Variants in CATSPERB observed in about 807,000 individuals in gnomAD.
CATSPERB encodes catsper channel auxiliary subunit beta, also known as cation channel sperm-associated auxiliary subunit beta.
In CATSPERB, 93 loss-of-function variants were observed where a neutral mutation model predicts 128.3. The observed-to-expected ratio is 0.72, with a 90% CI of 0.61 to 0.86. CATSPERB has a LOEUF of 0.86. Among genes scored for constraint, CATSPERB ranks in the 40% least tolerant of loss-of-function variants. The probability of loss-of-function intolerance (pLI) is 0.00; values close to 1 mark genes in which losing one functional copy is unlikely to be tolerated. For missense variants in CATSPERB, 1,153 were observed against 1,329.5 expected (o/e 0.87, Z 2.06); for synonymous variants, 381 against 448.8 (o/e 0.85, Z 1.91).
At chr14:91,662,547 T>C (rs1254262420) in intron 14 of CATSPERB, among the ~76,000 whole-genome samples, 3 of 152,230 alleles carry the variant, frequency 2.0e-5, no homozygotes, top group African/African-American at 7.2e-5. Context: ...ATATATGTGT[T>C]TCCCTTGCTG....
In CATSPERB at chr14:91,661,271, A is replaced by T. The variant is rs148237813; in HGVS notation, c.1288-1290T>A. On this transcript the variant is annotated intron_variant, in intron 14 of 26. Coordinates refer to ENST00000256343, the MANE Select transcript of CATSPERB (RefSeq NM_024764.4). The stretch of plus-strand genomic sequence containing the variant: ...TTTGTCACGCAACAATGTATCTCAG[A>T]TCATTTTATGTTAGCTCATGTGGAT... Among the ~76,000 whole-genome samples, 212 of 152,170 alleles carry T rather than the reference A, an allele frequency of 1.4e-3. 1 individual carries two copies. The highest frequency in any genetic ancestry group is 6.8e-3 in the Middle Eastern group (2 of 294).
At chr14:91,638,522 G>A (rs1290688811) in intron 16 of CATSPERB, among the ~76,000 whole-genome samples, 1 of 151,930 alleles carries the variant, frequency 6.6e-6, no homozygotes, top group Non-Finnish European at 1.5e-5. Context: ...CCAGGTTCAA[G>A]TGATCCTCCT....
chr14:91,630,728 C>A (rs1002131567), intron 17 of CATSPERB, among the ~76,000 whole-genome samples: 1 of 152,218 alleles, frequency 6.6e-6, no homozygotes, highest in Non-Finnish European at 1.5e-5. Flanking sequence ...TACTCACACC[C>A]TGTCCCACAC....
chr14:91,609,374 C>T (rs1040093466), intron 21 of CATSPERB, among the ~76,000 whole-genome samples: 1 of 152,184 alleles, frequency 6.6e-6, no homozygotes, highest in Non-Finnish European at 1.5e-5. Flanking sequence ...GCTAGGTGAA[C>T]TGCTCACATG....
intron 19 of CATSPERB, among the ~76,000 whole-genome samples, chr14:91,618,586 A>C (rs564737269): frequency 6.6e-6 from 1 of 152,356 alleles, no homozygotes; most frequent in African/African-American, 2.4e-5. Context: ...TGAAGGGTAC[A>C]TGCCCAGTTG....
intron 17 of CATSPERB, among the ~76,000 whole-genome samples, chr14:91,627,027 CA>C (rs1276025692): frequency 3.9e-5 from 6 of 152,178 alleles, no homozygotes; most frequent in African/African-American, 1.4e-4. Flanking sequence ...AGCTAACAAA[CA>C]TTTGATTAAC....
chr14:91,596,831 T>G (rs1893514567), intron 22 of CATSPERB, among the ~76,000 whole-genome samples: 1 of 152,134 alleles, frequency 6.6e-6, no homozygotes, highest in Non-Finnish European at 1.5e-5. Context: ...AGTTATGTCA[T>G]TTTTGGACTT....
intron 24 of CATSPERB, 123 bp downstream of exon 24, chr14:91,589,411 A>C: frequency 1.1e-6 from 1 of 879,130 alleles, no homozygotes. Flanking sequence ...ACTGATCCAA[A>C]TCCATTTGCA....
chr14:91,585,520 T>C (rs536575458), intron 26 of CATSPERB, among the ~76,000 whole-genome samples: 1 of 152,340 alleles, frequency 6.6e-6, no homozygotes, highest in African/African-American at 2.4e-5. Context: ...TTAAATATTA[T>C]AGTTTTTAGT....
In CATSPERB at chr14:91,601,016, C is replaced by T. The variant is rs570045833; in HGVS notation, c.2709+7278G>A. ...AACTAAATGGTATTTGGCTCTGGTA[C>T]GAAGGAGTTGAGAGAATACAACACC... is the stretch of plus-strand genomic sequence containing the variant. On this transcript the variant is annotated intron_variant, in intron 22 of 26. Transcript: ENST00000256343. Among the ~76,000 whole-genome samples, 129 of 152,274 alleles carry T rather than the reference C, an allele frequency of 8.5e-4. 2 individuals are homozygous for T. Among genetic ancestry groups the T allele is most frequent in the Middle Eastern group, 3.4e-3 (1 of 294 alleles).
intron 11 of CATSPERB, among the ~76,000 whole-genome samples, chr14:91,678,440 T>G (rs1386611887): frequency 2.0e-5 from 3 of 152,174 alleles, no homozygotes; most frequent in Non-Finnish European, 4.4e-5. Flanking sequence ...AATTCTAAGG[T>G]AAAAGCTATT....
chr14:91,681,558 G>A (rs941203327), intron 11 of CATSPERB, among the ~76,000 whole-genome samples: 1 of 152,232 alleles, frequency 6.6e-6, no homozygotes, highest in East Asian at 1.9e-4. Flanking sequence ...CTCCCTGGGA[G>A]TCCCGCCTTT....
intron 5 of CATSPERB, among the ~76,000 whole-genome samples, chr14:91,715,552 C>CAAAAAAA (rs57554614): frequency 8.8e-5 from 4 of 45,622 alleles, no homozygotes; most frequent in Admixed American, 2.2e-4. Flanking sequence ...GACTCCATCT[C>CAAAAAAA]AAAAAAAAAA....
In CATSPERB at chr14:91,624,848, A is replaced by G; in HGVS notation, c.1902T>C (p.Asn634=). The change falls in exon 18 of 27, where the codon AAT becomes AAC. Residue 634 remains asparagine, a synonymous_variant. Coordinates refer to ENST00000256343, the MANE Select transcript of CATSPERB (RefSeq NM_024764.4). ...GTGAATCAAGAGTGAGTTTATAGAC[A>G]TTTCCAGCTTTATTAATCAAAAGGG... ...SSSLLINKAG[N]VYKLTLDSQV... is the part of the protein sequence containing the mutation. 1 of 1,608,024 alleles carries G rather than the reference A, an allele frequency of 6.2e-7. No homozygotes were observed. Among genetic ancestry groups the G allele is most frequent in the Non-Finnish European group, 8.5e-7 (1 of 1,178,472 alleles).
At chr14:91,584,349 A>G (rs1704597) in intron 26 of CATSPERB, among the ~76,000 whole-genome samples, 136,103 of 152,260 alleles carry the variant, frequency 0.89, 61,102 homozygotes, top group African/African-American at 0.96. Context: ...GATTACAGGC[A>G]TGAGCCACCA....
intron 14 of CATSPERB, among the ~76,000 whole-genome samples, chr14:91,667,520 AG>A (rs1246683821): frequency 1.3e-5 from 2 of 152,232 alleles, no homozygotes; most frequent in Non-Finnish European, 2.9e-5. Context: ...CTGTCTACCC[AG>A]CCAAGGCATA....
At chr14:91,611,504 G>A (rs1893825813) in intron 20 of CATSPERB, among the ~76,000 whole-genome samples, 1 of 152,144 alleles carries the variant, frequency 6.6e-6, no homozygotes, top group African/African-American at 2.4e-5. Flanking sequence ...CAGCTGCTTG[G>A]GAGGCTGAGG....
intron 20 of CATSPERB, among the ~76,000 whole-genome samples, chr14:91,614,866 CA>C (rs1463132650): frequency 1.8e-4 from 27 of 152,172 alleles, no homozygotes; most frequent in African/African-American, 6.3e-4. Context: ...TCATAACTTA[CA>C]TTATAAATTT....
At position 91,608,365 on chromosome 14, in the gene CATSPERB, G is replaced by A; in HGVS notation, c.2638C>T (p.Pro880Ser). 6.2e-7 allele frequency: 1 copy of A among 1,610,916 alleles called. No individual in the cohort carries two copies. The highest frequency in any genetic ancestry group is 8.5e-7 in the Non-Finnish European group (1 of 1,177,406). Residue 880 changes from proline to serine, a missense_variant, in exon 22 of 27, where the codon CCA becomes TCA. Physicochemically the swap from Pro to Ser is moderately conservative, Grantham distance 74. Coordinates refer to ENST00000256343, the MANE Select transcript of CATSPERB (RefSeq NM_024764.4). ...RPPSNMGIAI[P>S]LTDNFYHADP... is the part of the protein sequence containing the mutation. ...GCATGATAAAAATTATCTGTGAGTG[G>A]AATAGCAATTCCCATATTAGATGGA...
Sources: gnomAD v4.1 joint callset for allele counts (sites outside exome capture counted in the v4.1 genomes callset) on GRCh38, gnomAD v4.1.1 for gene constraint, MANE v1.5 for transcripts, NCBI Gene and HGNC (gene_info 2026-07-23, HGNC 2026-07-21) for gene names.